GLT1D1: variants seen among roughly 807,000 people sequenced by gnomAD.
GLT1D1 encodes the protein glycosyltransferase 1 domain containing 1, also known as glycosyltransferase 1 domain-containing protein 1.
In GLT1D1, 21 loss-of-function variants were observed where a neutral mutation model predicts 28.7. The observed-to-expected ratio is 0.73, with a 90% CI of 0.52 to 1.05. GLT1D1 has a LOEUF of 1.05. Ranked by LOEUF, GLT1D1 falls within the 50% of genes least tolerant of loss-of-function variation. GLT1D1 has a pLI of 0.00. For missense variants in GLT1D1, 343 were observed against 330.6 expected (o/e 1.04, Z -0.29); for synonymous variants, 147 against 124.8 (o/e 1.18, Z -1.19).
chr12:128,868,493 T>C (rs943413763), intron 1 of GLT1D1, among the ~76,000 whole-genome samples: 4 of 151,980 alleles, frequency 2.6e-5, no homozygotes, highest in African/African-American at 9.7e-5. Flanking sequence ...AGAAGGGAAA[T>C]GGGAAACGCA....
At chr12:128,880,486 G>T (rs142531431) in intron 2 of GLT1D1, among the ~76,000 whole-genome samples, 175 of 152,300 alleles carry the variant, frequency 1.1e-3, no homozygotes, top group African/African-American at 3.9e-3. Flanking sequence ...GAAGGTTAAA[G>T]TCTCTCTGTG....
intron 1 of GLT1D1, among the ~76,000 whole-genome samples, chr12:128,867,428 A>AAAAAG (rs1956569315): frequency 6.6e-6 from 1 of 150,430 alleles, no homozygotes; most frequent in Admixed American, 6.6e-5. Context: ...AGAAAAAAAA[A>AAAAAG]AAAGGAAAAG....
At chr12:128,909,333 T>TTG (rs1724052181) in intron 4 of GLT1D1, among the ~76,000 whole-genome samples, 1 of 151,934 alleles carries the variant, frequency 6.6e-6, no homozygotes. Context: ...TACTTTCTTT[T>TTG]TTTTTATGCA....
intron 5 of GLT1D1, 66 bp downstream of exon 9, chr12:128,945,435 A>C: frequency 1.6e-6 from 2 of 1,246,918 alleles, no homozygotes; most frequent in Non-Finnish European, 2.4e-6. Flanking sequence ...GGGTTACCTG[A>C]ACTCACATTT....
At chr12:128,937,657 CCGTGATCTCCA>C (rs1211250939) in intron 4 of GLT1D1, among the ~76,000 whole-genome samples, 1 of 151,976 alleles carries the variant, frequency 6.6e-6, no homozygotes, top group African/African-American at 2.4e-5. Context: ...AGTTGCAATC[CCGTGATCTCCA>C]CGTGTCATGG....
chr12:128,933,561 T>C (rs1874183661), intron 4 of GLT1D1, among the ~76,000 whole-genome samples: 1 of 152,226 alleles, frequency 6.6e-6, no homozygotes, highest in South Asian at 2.1e-4. Flanking sequence ...AAGCTGTGAC[T>C]TGGGTGACCC....
chr12:128,960,981 G>C (rs1462898032), intron 7 of GLT1D1, among the ~76,000 whole-genome samples: 1 of 152,176 alleles, frequency 6.6e-6, no homozygotes, highest in Non-Finnish European at 1.5e-5. Context: ...GATATAAAAA[G>C]ATGAAGTTCA....
At chr12:128,854,452 C>A (rs1353490179) in intron 1 of GLT1D1, among the ~76,000 whole-genome samples, 1 of 149,940 alleles carries the variant, frequency 6.7e-6, no homozygotes, top group Non-Finnish European at 1.5e-5. Flanking sequence ...AGCGGACTTG[C>A]TTCATGAAAT....
At chr12:128,981,439 T>C (rs1329686238) in intron 7 of GLT1D1, among the ~76,000 whole-genome samples, 1 of 152,162 alleles carries the variant, frequency 6.6e-6, no homozygotes, top group South Asian at 2.1e-4. Flanking sequence ...GCATCTCAAA[T>C]GATTTTAATA....
chr12:128,899,552 T>G (rs1284960732), intron 4 of GLT1D1, among the ~76,000 whole-genome samples: 146 of 148,970 alleles, frequency 9.8e-4, no homozygotes, highest in African/African-American at 3.2e-3. Context: ...TGCTGTTTTT[T>G]TTTTTTTTTT....
intron 4 of GLT1D1, among the ~76,000 whole-genome samples, chr12:128,940,269 G>T (rs892955196): frequency 6.6e-6 from 1 of 152,140 alleles, no homozygotes; most frequent in African/African-American, 2.4e-5. Flanking sequence ...CCCAGGCACA[G>T]TTCTAACAGC....
intron 7 of GLT1D1, among the ~76,000 whole-genome samples, chr12:128,968,592 G>A (rs1409457987): frequency 2.0e-5 from 3 of 152,036 alleles, no homozygotes; most frequent in African/African-American, 7.2e-5. Context: ...GAACCCGGAG[G>A]GTGGGGGTTG....
intron 6 of GLT1D1, among the ~76,000 whole-genome samples, chr12:128,953,717 G>A (rs1565909313): frequency 1.3e-5 from 2 of 150,728 alleles, no homozygotes; most frequent in East Asian, 3.9e-4. Flanking sequence ...TCTTTGGCCT[G>A]TGCGCACTAA....
At chr12:128,914,392 G>A (rs983034918) in intron 4 of GLT1D1, among the ~76,000 whole-genome samples, 3 of 152,112 alleles carry the variant, frequency 2.0e-5, no homozygotes, top group African/African-American at 7.2e-5. Flanking sequence ...GGGCTGAAAG[G>A]GGTGCGTCTT....
At chr12:128,970,051 G>C (rs1412644381) in intron 7 of GLT1D1, among the ~76,000 whole-genome samples, 2 of 152,222 alleles carry the variant, frequency 1.3e-5, no homozygotes, top group African/African-American at 2.4e-5. Context: ...CGGGGTGCTT[G>C]CCTCACATCA....
chr12:128,867,239 C>G (rs1481834652), intron 1 of GLT1D1, among the ~76,000 whole-genome samples: 1 of 151,048 alleles, frequency 6.6e-6, no homozygotes, highest in African/African-American at 2.4e-5. Context: ...ACTAAAAATA[C>G]AAAATTAGCC....
At chr12:128,906,718 TTTTTTTTTTTC>T (rs1037515317) in intron 4 of GLT1D1, among the ~76,000 whole-genome samples, 9 of 151,956 alleles carry the variant, frequency 5.9e-5, no homozygotes, top group Non-Finnish European at 7.4e-5. Flanking sequence ...GGTTTTTCTT[TTTTTTTTTTTC>T]TTTTTTTTTT....
intron 7 of GLT1D1, among the ~76,000 whole-genome samples, chr12:128,963,236 C>T (rs1372781029): frequency 6.6e-6 from 1 of 152,182 alleles, no homozygotes; most frequent in Non-Finnish European, 1.5e-5. Flanking sequence ...GTCCTCCTCG[C>T]TCCTGACAGA....
intron 4 of GLT1D1, among the ~76,000 whole-genome samples, chr12:128,911,475 G>A (rs1417558193): frequency 1.3e-5 from 2 of 152,222 alleles, no homozygotes; most frequent in Non-Finnish European, 2.9e-5. Context: ...AAGGACAGGG[G>A]TGTGTCTTCT....
Sources: allele counts gnomAD v4.1 joint callset (sites outside exome capture counted in the v4.1 genomes callset), GRCh38; gene constraint gnomAD v4.1.1; transcripts MANE v1.5; gene names NCBI Gene and HGNC (gene_info 2026-07-23, HGNC 2026-07-21).